PIK3C2G: variants seen among roughly 807,000 people sequenced by gnomAD.
PIK3C2G encodes the protein phosphatidylinositol 3-kinase C2 domain-containing subunit gamma.
Under a neutral mutation model 181.1 loss-of-function variants are expected in PIK3C2G, and 168 were observed. The observed-to-expected ratio is 0.93, with a 90% confidence interval of 0.82 to 1.05. The LOEUF (loss-of-function observed/expected upper bound fraction) is 1.05, where lower values mean the gene tolerates loss of function less well. Among genes scored for constraint, PIK3C2G ranks in the 50% least tolerant of loss-of-function variants. The pLI is 0.00. For synonymous variants in PIK3C2G, 573 were observed against 592.2 expected, an observed-to-expected ratio of 0.97 and a Z score of 0.47; for missense variants, 1,869 against 1,732.8, an observed-to-expected ratio of 1.08 and a Z score of -1.40.
At chr12:18,340,148 T>C (rs1187056858) in intron 9 of PIK3C2G, among the ~76,000 whole-genome samples, 1 of 152,148 alleles carries the variant, frequency 6.6e-6, no homozygotes, top group Non-Finnish European at 1.5e-5. Context: ...AATATAATCA[T>C]ATTTTTCTAT....
intron 18 of PIK3C2G, among the ~76,000 whole-genome samples, chr12:18,480,860 T>C (rs1005486795): frequency 1.3e-5 from 2 of 152,224 alleles, no homozygotes; most frequent in East Asian, 1.9e-4. Flanking sequence ...CCTCTGCTGC[T>C]GCTCTACATT....
the PIK3C2G span, among the ~76,000 whole-genome samples, chr12:18,710,735 C>T: frequency 4.6e-5 from 7 of 152,096 alleles, no homozygotes; most frequent in African/African-American, 1.4e-4. Context: ...AAAAGTAAAG[C>T]CACTGCTCAA....
intron 32 of PIK3C2G, 42 bp from the exon 33 acceptor site, chr12:18,647,834 A>T: frequency 1.6e-6 from 2 of 1,259,040 alleles, no homozygotes. Context: ...GATGTATTTA[A>T]GCATTTCTGA....
At chr12:18,290,013 A>G (rs1949621506) in intron 3 of PIK3C2G, among the ~76,000 whole-genome samples, 2 of 152,230 alleles carry the variant, frequency 1.3e-5, no homozygotes, top group South Asian at 4.1e-4. Flanking sequence ...ATGGTAACAT[A>G]TAATGACAAT....
At chr12:18,542,206 A>G (rs1397822799) in intron 25 of PIK3C2G, among the ~76,000 whole-genome samples, 1 of 151,876 alleles carries the variant, frequency 6.6e-6, no homozygotes, top group Non-Finnish European at 1.5e-5. Context: ...TGTGATAAAG[A>G]AGAAATCTGC....
chr12:18,248,465 C>G (rs10840994), intron 1 of PIK3C2G, among the ~76,000 whole-genome samples: 1 of 151,462 alleles, frequency 6.6e-6, no homozygotes, highest in African/African-American at 2.4e-5. Context: ...CCCAGCTACT[C>G]GGGAGGCTGA....
chr12:18,685,693 C>T, the PIK3C2G span: 2 of 511,226 alleles, frequency 3.9e-6, no homozygotes, highest in Admixed American at 3.9e-5. Context: ...GGTACAGAGG[C>T]AGGTTTAGAG....
chr12:18,503,694 A>C (rs1204483535), intron 23 of PIK3C2G, among the ~76,000 whole-genome samples: 1 of 152,152 alleles, frequency 6.6e-6, no homozygotes, highest in African/African-American at 2.4e-5. Flanking sequence ...AGAAACAATA[A>C]CCCTTGAAAT....
At chr12:18,625,790 G>T (rs1949070539) in intron 31 of PIK3C2G, among the ~76,000 whole-genome samples, 1 of 151,630 alleles carries the variant, frequency 6.6e-6, no homozygotes, top group African/African-American at 2.4e-5. Flanking sequence ...GTCTCTTTTT[G>T]CAGTTTTTTA....
chr12:18,601,383 T>C (rs1947701893), intron 30 of PIK3C2G, among the ~76,000 whole-genome samples: 1 of 151,972 alleles, frequency 6.6e-6, no homozygotes, highest in Non-Finnish European at 1.5e-5. Flanking sequence ...TTCAACACCA[T>C]ATATTTTCAC....
the PIK3C2G span, among the ~76,000 whole-genome samples, chr12:18,719,899 A>G: frequency 6.6e-6 from 1 of 152,056 alleles, no homozygotes; most frequent in African/African-American, 2.4e-5. Context: ...AGAAAAGTAC[A>G]TATATTATGG....
the PIK3C2G span, among the ~76,000 whole-genome samples, chr12:18,708,234 GT>G: frequency 1.3e-5 from 2 of 151,876 alleles, no homozygotes; most frequent in Admixed American, 6.6e-5. Context: ...ACATTTGAGA[GT>G]TTTTTTTCTA....
intron 26 of PIK3C2G, among the ~76,000 whole-genome samples, chr12:18,560,730 T>C (rs1376321871): frequency 6.6e-6 from 1 of 151,984 alleles, no homozygotes; most frequent in East Asian, 1.9e-4. Context: ...TTTTAACAAA[T>C]ACTAAGACTA....
chr12:18,714,236 A>G, the PIK3C2G span, among the ~76,000 whole-genome samples: 35 of 152,300 alleles, frequency 2.3e-4, no homozygotes, highest in Middle Eastern at 3.4e-3. Context: ...TCACAGACAC[A>G]TACAAAGAGT....
intron 5 of PIK3C2G, among the ~76,000 whole-genome samples, chr12:18,296,558 C>T (rs1591858717): frequency 6.6e-6 from 1 of 152,074 alleles, no homozygotes; most frequent in East Asian, 1.9e-4. Context: ...GACATTTTTA[C>T]CTTGTACTAT....
chr12:18,376,344 A>C (rs1450106939), intron 13 of PIK3C2G, among the ~76,000 whole-genome samples: 1 of 152,198 alleles, frequency 6.6e-6, no homozygotes, highest in Admixed American at 6.5e-5. Flanking sequence ...TCAGACTTCC[A>C]TGGGACCTGT....
chr12:18,473,634 T>A (rs1271299110), intron 18 of PIK3C2G, among the ~76,000 whole-genome samples: 1 of 152,208 alleles, frequency 6.6e-6, no homozygotes, highest in African/African-American at 2.4e-5. Flanking sequence ...CTATCTTTGA[T>A]GTTAGTAAGA....
chr12:18,496,553 G>A (rs1941027163), intron 21 of PIK3C2G, among the ~76,000 whole-genome samples: 1 of 151,974 alleles, frequency 6.6e-6, no homozygotes, highest in South Asian at 2.1e-4. Flanking sequence ...GCTAGCACTT[G>A]TTCATTTTAG....
chr12:18,282,995 A>G (rs1204087173), intron 2 of PIK3C2G, among the ~76,000 whole-genome samples: 4 of 152,136 alleles, frequency 2.6e-5, no homozygotes, highest in Non-Finnish European at 5.9e-5. Flanking sequence ...CATCAAAACT[A>G]TTATAAAATT....
Sources: allele counts gnomAD v4.1 joint callset (sites outside exome capture counted in the v4.1 genomes callset), GRCh38; gene constraint gnomAD v4.1.1; transcripts MANE v1.5; gene names NCBI Gene and HGNC (gene_info 2026-07-23, HGNC 2026-07-21).